ARHGEF28: variants seen among roughly 807,000 people sequenced by gnomAD.
ARHGEF28 encodes the protein 190 kDa guanine nucleotide exchange factor.
A neutral mutation model predicts 206.6 loss-of-function variants in ARHGEF28; 152 were observed. That is an observed-to-expected ratio of 0.74 (90% confidence interval 0.64 to 0.84). The LOEUF is 0.84. Among genes scored for constraint, ARHGEF28 ranks in the 40% least tolerant of loss-of-function variants. The probability of loss-of-function intolerance (pLI) is 0.00; values close to 1 mark genes in which losing one functional copy is unlikely to be tolerated. For synonymous variants in ARHGEF28, 763 were observed against 776.4 expected (o/e 0.98, Z 0.29); for missense variants, 2,028 against 2,073.2 (o/e 0.98, Z 0.42).
At chr5:73,749,351 G>A (rs2112395358) in intron 2 of ARHGEF28, among the ~76,000 whole-genome samples, 1 of 152,316 alleles carries the variant, frequency 6.6e-6, no homozygotes. Context: ...CTCAAGCCAT[G>A]ATGTTCAGCT....
chr5:73,874,753 AT>A (rs1383543012), intron 22 of ARHGEF28, among the ~76,000 whole-genome samples: 2 of 150,330 alleles, frequency 1.3e-5, no homozygotes, highest in Non-Finnish European at 3.0e-5. Flanking sequence ...TGAACTCATC[AT>A]TTTTTATGGC....
chr5:73,712,625 T>A (rs1338475064), intron 2 of ARHGEF28, among the ~76,000 whole-genome samples: 3 of 152,198 alleles, frequency 2.0e-5, no homozygotes, highest in Non-Finnish European at 4.4e-5. Context: ...TGCATGCATG[T>A]TAGCTAGTGA....
In ARHGEF28 at chr5:73,764,575, C is replaced by T. The variant is rs116337562; in HGVS notation, c.476-9280C>T. The stretch of plus-strand genomic sequence containing the variant: ...AAATTATTTTCAGGTGATTTTCAGC[C>T]GGAGGTGGTTGTAATATGAGTGTCT... On this transcript the variant is annotated intron_variant, in intron 4 of 35. Transcript: ENST00000513042. Among the ~76,000 whole-genome samples the T allele has an allele frequency of 5.8e-3, 883 of 152,170 alleles. 1 individual carries two copies. The highest frequency in any genetic ancestry group is 9.4e-3 in the Non-Finnish European group (641 of 68,002).
At chr5:73,632,788 A>G (rs1308868988) in intron 1 of ARHGEF28, among the ~76,000 whole-genome samples, 1 of 152,152 alleles carries the variant, frequency 6.6e-6, no homozygotes, top group Non-Finnish European at 1.5e-5. Context: ...TCCAGATGCT[A>G]TCTGACGGTG....
At chr5:73,933,134 T>C (rs1764228312) in intron 35 of ARHGEF28, among the ~76,000 whole-genome samples, 1 of 152,334 alleles carries the variant, frequency 6.6e-6, no homozygotes, top group East Asian at 1.9e-4. Context: ...TACATATTAC[T>C]TTTTAAGCTT....
chr5:73,646,664 G>A (rs933573140), intron 1 of ARHGEF28, among the ~76,000 whole-genome samples: 1 of 152,038 alleles, frequency 6.6e-6, no homozygotes, highest in African/African-American at 2.4e-5. Context: ...CTTTCCCCTG[G>A]CTGACATCTG....
chr5:73,808,048 C>T (rs894858658), intron 9 of ARHGEF28, among the ~76,000 whole-genome samples: 14 of 151,932 alleles, frequency 9.2e-5, no homozygotes, highest in Admixed American at 3.9e-4. Context: ...TCTGCAGGTG[C>T]ACATAAATGT....
At chr5:73,711,999 T>C (rs531812425) in intron 2 of ARHGEF28, among the ~76,000 whole-genome samples, 1 of 152,140 alleles carries the variant, frequency 6.6e-6, no homozygotes, top group Non-Finnish European at 1.5e-5. Flanking sequence ...ACTTTTAAAT[T>C]ATGAACAAAT....
chr5:73,848,423 T>C (rs1758498846), intron 12 of ARHGEF28, among the ~76,000 whole-genome samples: 2 of 152,154 alleles, frequency 1.3e-5, no homozygotes, highest in African/African-American at 4.8e-5. Context: ...CTATCAAAAA[T>C]TGAGTACAGA....
intron 33 of ARHGEF28, chr5:73,904,607 T>C: frequency 1.8e-6 from 1 of 570,004 alleles, no homozygotes; most frequent in Non-Finnish European, 3.0e-6. Flanking sequence ...TATACCATTC[T>C]TCTCTGAAAT....
At chr5:73,826,556 G>A (rs1579947093) in intron 9 of ARHGEF28, among the ~76,000 whole-genome samples, 1 of 152,280 alleles carries the variant, frequency 6.6e-6, no homozygotes, top group East Asian at 1.9e-4. Context: ...AACCAGTCAA[G>A]TAGGCCACAT....
At chr5:73,822,803 T>A (rs1756679290) in intron 9 of ARHGEF28, among the ~76,000 whole-genome samples, 1 of 152,202 alleles carries the variant, frequency 6.6e-6, no homozygotes, top group African/African-American at 2.4e-5. Flanking sequence ...TGTTTCATTT[T>A]TTTTGTAGAA....
intron 2 of ARHGEF28, among the ~76,000 whole-genome samples, chr5:73,709,329 C>A (rs973353953): frequency 3.3e-5 from 5 of 152,216 alleles, no homozygotes; most frequent in Non-Finnish European, 7.3e-5. Context: ...TTTTCTCATG[C>A]TGCTCTCTTA....
chr5:73,793,976 T>C (rs192427813), intron 7 of ARHGEF28, among the ~76,000 whole-genome samples: 71 of 152,272 alleles, frequency 4.7e-4, no homozygotes, highest in Non-Finnish European at 2.2e-4. Flanking sequence ...ATATAATGAA[T>C]TACGCTCTTT....
At chr5:73,807,121 T>A (rs1326653592) in intron 9 of ARHGEF28, among the ~76,000 whole-genome samples, 1 of 151,222 alleles carries the variant, frequency 6.6e-6, no homozygotes, top group Admixed American at 6.6e-5. Flanking sequence ...GGGTTCTTCC[T>A]AATAGGAGGG....
rs1752340298 is a variant in ARHGEF28, at chr5:73,756,848, T to C, written c.475+3646T>C. Reference sequence around the variant, plus strand: ...AGGTAGAAGGAAAACGTGGAGTTTTTATTGTATTTACTGAATCAAGTAGTT... The same window carrying C: ...AGGTAGAAGGAAAACGTGGAGTTTTCATTGTATTTACTGAATCAAGTAGTT... On this transcript the variant is annotated intron_variant, in intron 4 of 35. Coordinates refer to ENST00000513042, the MANE Select transcript of ARHGEF28 (RefSeq NM_001177693.2). Among the ~76,000 whole-genome samples the C allele has an allele frequency of 3.9e-5, 6 of 152,364 alleles. No individual in the cohort carries two copies. In the South Asian group the frequency reaches 1.2e-3, roughly 32 times the overall value.
At chr5:73,850,505 G>A (rs1385680518) in intron 13 of ARHGEF28, among the ~76,000 whole-genome samples, 3 of 152,148 alleles carry the variant, frequency 2.0e-5, no homozygotes, top group South Asian at 2.1e-4. Flanking sequence ...TTAATAGCTC[G>A]ACACCTTTTC....
chr5:73,737,850 C>T (rs575588653), intron 2 of ARHGEF28, among the ~76,000 whole-genome samples: 96 of 152,200 alleles, frequency 6.3e-4, no homozygotes, highest in African/African-American at 2.1e-3. Context: ...CTTCTGTAGG[C>T]TCTTGGAGCT....
At chr5:73,664,064 C>T (rs1745790083) in intron 1 of ARHGEF28, among the ~76,000 whole-genome samples, 1 of 152,210 alleles carries the variant, frequency 6.6e-6, no homozygotes, top group Admixed American at 6.5e-5. Context: ...CTGATGACTT[C>T]AGCCAGAAAG....
Sources: gnomAD v4.1 joint callset for allele counts (sites outside exome capture counted in the v4.1 genomes callset) on GRCh38, gnomAD v4.1.1 for gene constraint, MANE v1.5 for transcripts, NCBI Gene and HGNC (gene_info 2026-07-23, HGNC 2026-07-21) for gene names.